Variants in SCARA3 observed in about 807,000 individuals in gnomAD.
SCARA3 encodes the protein scavenger receptor class A member 3.
In SCARA3, 39 loss-of-function variants were observed where a neutral mutation model predicts 47.0. The ratio of observed to expected loss-of-function variants is 0.83; its 90% confidence interval spans 0.64 to 1.08. The LOEUF is 1.08. Among genes scored for constraint, SCARA3 ranks in the 50% least tolerant of loss-of-function variants. SCARA3 has a pLI of 0.00. For missense variants in SCARA3, 724 were observed against 792.3 expected (o/e 0.91, Z 1.04); for synonymous variants, 356 against 334.1 (o/e 1.07, Z -0.71).
chr8:27,691,683 C>T, the SCARA3 span, among the ~76,000 whole-genome samples: 1 of 152,144 alleles, frequency 6.6e-6, no homozygotes, highest in Non-Finnish European at 1.5e-5. Flanking sequence ...CATCCTCAAT[C>T]CCTTTTTCTC....
intron 1 of SCARA3, among the ~76,000 whole-genome samples, chr8:27,634,577 C>T (rs568519427): frequency 6.6e-6 from 1 of 152,328 alleles, no homozygotes; most frequent in Non-Finnish European, 1.5e-5. Context: ...GGGGACCCAT[C>T]AGAGAGGCCC....
At chr8:27,692,809 A>G in the SCARA3 span, among the ~76,000 whole-genome samples, 1 of 152,098 alleles carries the variant, frequency 6.6e-6, no homozygotes. Flanking sequence ...TTTAGATAAT[A>G]ACTTAACTCT....
chr8:27,686,057 A>G, the SCARA3 span, among the ~76,000 whole-genome samples: 1 of 152,262 alleles, frequency 6.6e-6, no homozygotes, highest in Non-Finnish European at 1.5e-5. Flanking sequence ...CTGTGTTTGA[A>G]TCTTAATTAA....
intron 1 of SCARA3, among the ~76,000 whole-genome samples, chr8:27,636,919 C>G (rs1413609984): frequency 6.6e-6 from 1 of 152,150 alleles, no homozygotes; most frequent in Non-Finnish European, 1.5e-5. Context: ...TTTTCTCACT[C>G]GAGTGGAAAA....
chr8:27,702,685 C>G, the SCARA3 span: 2 of 152,476 alleles, frequency 1.3e-5, no homozygotes, highest in Non-Finnish European at 2.9e-5. Context: ...GCCACAGTGT[C>G]TGGCAGGGAG....
chr8:27,639,615 A>G (rs1016749885), intron 1 of SCARA3, among the ~76,000 whole-genome samples: 4 of 152,166 alleles, frequency 2.6e-5, no homozygotes, highest in South Asian at 2.1e-4. Context: ...TCTGGTTGAC[A>G]TTGGAGAGAC....
the SCARA3 span, among the ~76,000 whole-genome samples, chr8:27,727,454 T>C: frequency 2.0e-5 from 3 of 152,222 alleles, no homozygotes; most frequent in Admixed American, 2.0e-4. Context: ...GCATCTCTTC[T>C]TTCTCTAGGA....
chr8:27,666,953 C>T (rs1308306372), intron 5 of SCARA3, among the ~76,000 whole-genome samples: 4 of 152,136 alleles, frequency 2.6e-5, no homozygotes, highest in Non-Finnish European at 4.4e-5. Flanking sequence ...TAATCATGGC[C>T]GCCCCCCTCC....
rs372857931 is a variant in SCARA3 at position 27,634,807 on chromosome 8, G to GAGCCAGCAGCAGGGTGGCC, written c.7+601_7+619dup. ...AGGACTGACCTCTCCCCAGGGTGGT[G>GAGCCAGCAGCAGGGTGGCC]AGCCAGCAGCAGGGTGGCCCTTGCA... On this transcript the variant is annotated intron_variant, in intron 1 of 5. Coordinates refer to ENST00000301904, the MANE Select transcript of SCARA3 (RefSeq NM_016240.3). Among the ~76,000 whole-genome samples, 955 of 152,294 alleles carry GAGCCAGCAGCAGGGTGGCC rather than the reference G, an allele frequency of 6.3e-3. 16 individuals are homozygous for GAGCCAGCAGCAGGGTGGCC. The highest frequency in any genetic ancestry group is 0.022 in the African/African-American group (897 of 41,558).
chr8:27,664,763 C>T (rs550227325), intron 5 of SCARA3, among the ~76,000 whole-genome samples: 3 of 151,884 alleles, frequency 2.0e-5, no homozygotes, highest in South Asian at 4.2e-4. Flanking sequence ...CCTAGTCATG[C>T]GTGGAGTTTT....
At chr8:27,644,005 C>T (rs1435901342) in intron 1 of SCARA3, among the ~76,000 whole-genome samples, 8 of 152,200 alleles carry the variant, frequency 5.3e-5, no homozygotes, top group East Asian at 1.9e-4. Context: ...AGTCAGTGGC[C>T]GTGCTTAGCA....
chr8:27,648,865 AAGT>A (rs1801568680), intron 1 of SCARA3, among the ~76,000 whole-genome samples: 1 of 150,136 alleles, frequency 6.7e-6, no homozygotes, highest in Non-Finnish European at 1.5e-5. Context: ...GGAGGGAGGA[AAGT>A]AGGGAAGGAA....
At chr8:27,707,061 C>G in the SCARA3 span, among the ~76,000 whole-genome samples, 3 of 152,034 alleles carry the variant, frequency 2.0e-5, no homozygotes, top group Non-Finnish European at 2.9e-5. Context: ...GCTCCAAGCA[C>G]CAAATAGTGA....
the SCARA3 span, among the ~76,000 whole-genome samples, chr8:27,725,269 T>TG: frequency 6.6e-6 from 1 of 151,932 alleles, no homozygotes; most frequent in African/African-American, 2.4e-5. Flanking sequence ...TCAGGAGAGC[T>TG]GGGGGGAAGC....
the SCARA3 span, among the ~76,000 whole-genome samples, chr8:27,699,934 C>T: frequency 5.9e-5 from 9 of 152,158 alleles, no homozygotes; most frequent in Admixed American, 5.9e-4. Context: ...TCCCCAAAGA[C>T]ACCAATGATT....
At chr8:27,644,618 A>AGG (rs1187443800) in intron 1 of SCARA3, among the ~76,000 whole-genome samples, 1 of 135,928 alleles carries the variant, frequency 7.4e-6, no homozygotes, top group East Asian at 2.1e-4. Flanking sequence ...GAAGAAAAGA[A>AGG]GGGGAGAGAG....
chr8:27,728,312 T>TC, the SCARA3 span, among the ~76,000 whole-genome samples: 1 of 152,114 alleles, frequency 6.6e-6, no homozygotes, highest in Admixed American at 6.5e-5. Context: ...GGAAGCGCAT[T>TC]CCAGGATCAG....
the SCARA3 span, among the ~76,000 whole-genome samples, chr8:27,685,199 A>G: frequency 6.6e-6 from 1 of 152,226 alleles, no homozygotes; most frequent in Non-Finnish European, 1.5e-5. Flanking sequence ...AATTTTGAAA[A>G]CTTAGATGAA....
the SCARA3 span, among the ~76,000 whole-genome samples, chr8:27,716,325 A>T: frequency 3.3e-5 from 5 of 150,208 alleles, no homozygotes; most frequent in African/African-American, 4.9e-5. Context: ...ATATCTCTTT[A>T]TATATATATA....
Sources: gnomAD v4.1 joint callset for allele counts (sites outside exome capture counted in the v4.1 genomes callset) on GRCh38, gnomAD v4.1.1 for gene constraint, MANE v1.5 for transcripts, NCBI Gene and HGNC (gene_info 2026-07-23, HGNC 2026-07-21) for gene names.